Variants in DNMT3B observed in about 807,000 individuals in gnomAD.
The protein encoded by DNMT3B is DNA (cytosine-5)-methyltransferase 3B.
DNMT3B carries 37 observed loss-of-function variants against 120.2 expected under a neutral mutation model. The ratio of observed to expected loss-of-function variants is 0.31; its 90% CI spans 0.24 to 0.40. The LOEUF (loss-of-function observed/expected upper bound fraction) is 0.40, where lower values mean the gene tolerates loss of function less well. Among genes scored for constraint, DNMT3B ranks in the 10% least tolerant of loss-of-function variants. The pLI, the probability that DNMT3B is intolerant of heterozygous loss-of-function variation, is 1.00. For synonymous variants in DNMT3B, 412 were observed against 442.8 expected (o/e 0.93, Z 0.87); for missense variants, 878 against 1,137.3 (o/e 0.77, Z 3.28).
chr20:32,804,092 C>T (rs2424930), intron 20 of DNMT3B, among the ~76,000 whole-genome samples: 2,889 of 152,138 alleles, frequency 0.019, 87 homozygotes, highest in African/African-American at 0.065. Context: ...TTAGCAAGGA[C>T]GGATCAGATT....
intron 12 of DNMT3B, 38 bp downstream of exon 12, chr20:32,795,732 C>G: frequency 1.9e-6 from 3 of 1,612,534 alleles, no homozygotes; most frequent in Non-Finnish European, 2.5e-6. Context: ...CCCTCACACC[C>G]TGGCTAGGGC....
chr20:32,806,312 G>A lies in DNMT3B; in HGVS notation c.2405G>A (p.Cys802Tyr). ...AATGGCAAAGAAGATGTTTTGTGGT[G>A]CACTGAGCTCGAAAGGTGAGCAAGG... is the stretch of plus-strand genomic sequence containing the variant. ...VMNGKEDVLW[C>Y]TELERIFGFP... The change falls in exon 22 of 23, where the codon TGC (cysteine) becomes TAC (tyrosine). Residue 802 changes from cysteine (C) to tyrosine (Y), a missense_variant. Coordinates refer to ENST00000328111, the MANE Select transcript of DNMT3B (RefSeq NM_006892.4). The A allele has an allele frequency of 6.2e-7, 1 of 1,614,218 alleles. No individual in the cohort carries two copies. The highest frequency in any genetic ancestry group is 8.5e-7 in the Non-Finnish European group (1 of 1,180,034).
At chr20:32,800,335 C>T (rs775661637) in intron 17 of DNMT3B, 37 bp downstream of exon 17, 1 of 1,613,440 alleles carries the variant, frequency 6.2e-7, no homozygotes, top group Non-Finnish European at 8.5e-7. Context: ...CTCATCTCTT[C>T]CTGTCTTTTT....
chr20:32,784,751 T>C lies in DNMT3B; in HGVS notation c.205-7T>C. 3 of 1,614,014 alleles carry C rather than the reference T, an allele frequency of 1.9e-6. No homozygotes were observed. The highest frequency in any genetic ancestry group is 2.5e-6 in the Non-Finnish European group (3 of 1,179,958). On this transcript the variant is annotated splice_polypyrimidine_tract_variant and splice_region_variant and intron_variant, in intron 3 of 22. Coordinates refer to ENST00000328111, the MANE Select transcript of DNMT3B (RefSeq NM_006892.4). The stretch of plus-strand genomic sequence containing the variant: ...CTTCATCATGTTCATCATGTTTCCT[T>C]ATAAAGGACTTGACAGGCGATGGCG...
chr20:32,771,656 A>T (rs982371919), intron 1 of DNMT3B, among the ~76,000 whole-genome samples: 3 of 138,044 alleles, frequency 2.2e-5, no homozygotes, highest in Non-Finnish European at 1.6e-5. Flanking sequence ...AAAAAAAAGG[A>T]GTGGTAAAGG....
In DNMT3B at chr20:32,798,686, G is replaced by A. The variant is rs1220693084; in HGVS notation, c.1674+43G>A. On this transcript the variant is annotated intron_variant, in intron 15 of 22. Coordinates refer to ENST00000328111, the MANE Select transcript of DNMT3B (RefSeq NM_006892.4). ...GCCTCTACCACCACAGATCCCAGGG[G>A]CACAGGGTGTTGGAAAGCTCTGGAA... 8.1e-6 allele frequency: 13 copies of A among 1,612,144 alleles called. No homozygotes were observed. The East Asian group carries it at 2.7e-4, about 33-fold the overall frequency.
chr20:32,781,385 G>A lies in DNMT3B; in HGVS notation c.175G>A (p.Glu59Lys). 6.2e-7 allele frequency: 1 copy of A among 1,614,184 alleles called. No homozygotes were observed. Among genetic ancestry groups the A allele is most frequent in the Non-Finnish European group, 8.5e-7 (1 of 1,180,040 alleles). ...RRSSSRLSKR[E>K]VSSLLSYTQD... ...ATCAAGCTCGCGACTCTCCAAGAGG[G>A]AGGTGTCCAGTCTGCTAAGCTACAC... The change falls in exon 3 of 23, where the codon GAG (glutamate) becomes AAG (lysine). Residue 59 changes from glutamate to lysine, a missense_variant. Around this residue, in one of 4 missense-constraint regions of DNMT3B, gnomAD observed 287 missense variants for 306.2 expected, o/e 0.94. Transcript: ENST00000328111.
intron 3 of DNMT3B, among the ~76,000 whole-genome samples, chr20:32,783,334 T>G (rs6119958): frequency 0.072 from 10,970 of 152,266 alleles, 1,246 homozygotes; most frequent in African/African-American, 0.24. Flanking sequence ...TTTTAATGAA[T>G]TTCAAACAAT....
intron 8 of DNMT3B, among the ~76,000 whole-genome samples, chr20:32,792,393 A>G (rs1377118091): frequency 6.6e-6 from 1 of 152,148 alleles, no homozygotes; most frequent in African/African-American, 2.4e-5. Context: ...TAGGGGGAAG[A>G]GATCCTATTT....
chr20:32,768,597 G>C (rs906980090), intron 1 of DNMT3B, among the ~76,000 whole-genome samples: 1 of 152,228 alleles, frequency 6.6e-6, no homozygotes, highest in Admixed American at 6.5e-5. Context: ...ACAGGTGTGA[G>C]CCACCATGCC....
In DNMT3B at chr20:32,793,585, A is replaced by G. The variant is rs755617625; in HGVS notation, c.1116A>G (p.Ser372=). ...VRRAGSRKLE[S]RKYENKTRRR... ...GTGCAGGCAGTAGGAAATTAGAATCAAGGAAATACGGTATTTCCTTCCTGT... is the reference window on the plus strand; with the variant it reads ...GTGCAGGCAGTAGGAAATTAGAATCGAGGAAATACGGTATTTCCTTCCTGT... The change falls in exon 10 of 23, where the codon TCA becomes TCG. Residue 372 remains serine (S), a synonymous_variant. Coordinates refer to ENST00000328111, the MANE Select transcript of DNMT3B (RefSeq NM_006892.4). The G allele has an allele frequency of 1.2e-6, 2 of 1,614,058 alleles. No individual in the cohort carries two copies. The highest frequency in any genetic ancestry group is 1.7e-6 in the Non-Finnish European group (2 of 1,179,966).
intron 4 of DNMT3B, 43 bp downstream of exon 4, chr20:32,784,902 T>A (rs972033399): frequency 5.0e-6 from 8 of 1,588,442 alleles, no homozygotes; most frequent in Admixed American, 5.0e-5. Context: ...TGGCCAACAC[T>A]CTACATAGCA....
intron 3 of DNMT3B, among the ~76,000 whole-genome samples, chr20:32,783,695 A>G (rs1188991680): frequency 6.6e-6 from 1 of 151,900 alleles, no homozygotes; most frequent in African/African-American, 2.4e-5. Context: ...AGAAACAGTA[A>G]TGAAATCTCT....
rs542735999 is a variant in DNMT3B, at chr20:32,794,800, A to G, written c.1127-609A>G. The stretch of plus-strand genomic sequence containing the variant: ...ATTTCACTTATTTTATATATTTTAC[A>G]TATTACATATTTTACAGATCTCAAT... On this transcript the variant is annotated intron_variant, in intron 10 of 22. Coordinates refer to ENST00000328111, the MANE Select transcript of DNMT3B (RefSeq NM_006892.4). 1.9e-3 allele frequency among the ~76,000 whole-genome samples: 289 copies of G among 152,346 alleles called. 1 individual carries two copies. The highest frequency in any genetic ancestry group is 6.5e-3 in the African/African-American group (272 of 41,574).
chr20:32,763,682 G>A (rs1475831820), intron 1 of DNMT3B, among the ~76,000 whole-genome samples: 9 of 152,164 alleles, frequency 5.9e-5, no homozygotes, highest in African/African-American at 2.2e-4. Context: ...GCTGCCCTTG[G>A]GCCCAGGCTT....
intron 20 of DNMT3B, among the ~76,000 whole-genome samples, chr20:32,803,064 A>G (rs947261741): frequency 7.2e-5 from 11 of 152,286 alleles, no homozygotes; most frequent in Non-Finnish European, 1.3e-4. Flanking sequence ...GTGACCAACC[A>G]GGTGGCAGAG....
At chr20:32,796,038 G>C (rs1001325835) in intron 12 of DNMT3B, among the ~76,000 whole-genome samples, 1 of 152,176 alleles carries the variant, frequency 6.6e-6, no homozygotes, top group Non-Finnish European at 1.5e-5. Flanking sequence ...CCTACTGTCA[G>C]GCTAAATACT....
intron 10 of DNMT3B, 135 bp downstream of exon 10, chr20:32,793,730 TCA>T (rs1980268333): frequency 1.0e-6 from 1 of 973,248 alleles, no homozygotes; most frequent in Non-Finnish European, 1.6e-6. Flanking sequence ...CACTCTCCCC[TCA>T]CATCCCACCC....
intron 8 of DNMT3B, 44 bp downstream of exon 8, chr20:32,791,752 G>A: frequency 2.5e-6 from 4 of 1,603,356 alleles, no homozygotes; most frequent in Non-Finnish European, 3.4e-6. Context: ...TGAGAGCAGG[G>A]ATGAAGCAAG....
Sources: gnomAD v4.1 joint callset for allele counts (sites outside exome capture counted in the v4.1 genomes callset) on GRCh38, gnomAD v4.1.1 for gene constraint, gnomAD v4.1.1 regional missense constraint, MANE v1.5 for transcripts, NCBI Gene and HGNC (gene_info 2026-07-23, HGNC 2026-07-21) for gene names.